Variants in DMC1 observed in about 807,000 individuals in gnomAD.
The protein encoded by DMC1 is DNA meiotic recombinase 1, also known as meiotic recombination protein DMC1 homolog.
Under a neutral mutation model 50.1 loss-of-function variants are expected in DMC1, and 27 were observed. That is an observed-to-expected ratio of 0.54 (90% CI 0.40 to 0.74). DMC1 has a LOEUF of 0.74. DMC1 is among the 30% of genes least tolerant of loss of function. The pLI, the probability that DMC1 is intolerant of heterozygous loss-of-function variation, is 0.00. For synonymous variants in DMC1, 148 were observed against 136.1 expected, an observed-to-expected ratio of 1.09 and a Z score of -0.61; for missense variants, 295 against 420.2, an observed-to-expected ratio of 0.70 and a Z score of 2.60.
intron 12 of DMC1, among the ~76,000 whole-genome samples, chr22:38,534,671 C>G (rs2090190946): frequency 3.3e-5 from 5 of 150,384 alleles, no homozygotes. Context: ...CTGCTGCACT[C>G]CAGCCTGAGT....
chr22:38,548,976 G>A (rs370227645), intron 8 of DMC1, among the ~76,000 whole-genome samples: 8 of 152,166 alleles, frequency 5.3e-5, no homozygotes, highest in Admixed American at 2.6e-4. Flanking sequence ...AAACCTGAGC[G>A]GTTTCTCAAA....
chr22:38,567,509 C>T, intron 3 of DMC1, 74 bp downstream of exon 3: 1 of 1,258,924 alleles, frequency 7.9e-7, no homozygotes, highest in Non-Finnish European at 1.2e-6. Context: ...ATTATCCAGG[C>T]CCAAATGTCC....
chr22:38,543,805 T>G (rs2090313384), intron 8 of DMC1, among the ~76,000 whole-genome samples: 1 of 152,148 alleles, frequency 6.6e-6, no homozygotes, highest in Non-Finnish European at 1.5e-5. Context: ...CTGAGTCACC[T>G]TTAGTCACCT....
intron 12 of DMC1, among the ~76,000 whole-genome samples, chr22:38,527,464 CAA>C (rs1189407491): frequency 6.6e-6 from 1 of 151,798 alleles, no homozygotes; most frequent in Non-Finnish European, 1.5e-5. Context: ...CTCGGCCTCC[CAA>C]AGTGTTGGGA....
chr22:38,531,006 G>A (rs1602722203), intron 12 of DMC1, among the ~76,000 whole-genome samples: 1 of 152,246 alleles, frequency 6.6e-6, no homozygotes, highest in East Asian at 1.9e-4. Context: ...GGAGGCGGAG[G>A]TTGCAGTGAG....
the DMC1 span, among the ~76,000 whole-genome samples, chr22:38,512,609 G>A: frequency 4.6e-5 from 7 of 152,164 alleles, no homozygotes; most frequent in Non-Finnish European, 1.0e-4. Context: ...AGGAAAGCAC[G>A]TGAAGAGTAT....
chr22:38,562,537 T>C (rs1221783864), intron 4 of DMC1, among the ~76,000 whole-genome samples, 168 bp from the exon 5 acceptor site: 1 of 152,214 alleles, frequency 6.6e-6, no homozygotes, highest in African/African-American at 2.4e-5. Flanking sequence ...ACACAGGCTT[T>C]AGAGCTGCCC....
chr22:38,521,909 T>G (rs1203987211), intron 12 of DMC1, among the ~76,000 whole-genome samples, 185 bp from the exon 13 acceptor site: 2 of 151,934 alleles, frequency 1.3e-5, no homozygotes, highest in Non-Finnish European at 2.9e-5. Flanking sequence ...ATACCCCATC[T>G]AGTCTAGGCT....
At chr22:38,538,861 C>T (rs569789943) in intron 9 of DMC1, among the ~76,000 whole-genome samples, 1 of 152,024 alleles carries the variant, frequency 6.6e-6, no homozygotes, top group Admixed American at 6.6e-5. Flanking sequence ...ATGGTGAAAC[C>T]CTGACTCTAC....
At chr22:38,525,281 A>G (rs149500533) in intron 12 of DMC1, among the ~76,000 whole-genome samples, 228 of 152,272 alleles carry the variant, frequency 1.5e-3, no homozygotes, top group African/African-American at 5.0e-3. Context: ...TTGGACACAG[A>G]TTTGTGTCAT....
intron 12 of DMC1, among the ~76,000 whole-genome samples, chr22:38,527,251 C>A (rs1166206211): frequency 6.6e-6 from 1 of 151,976 alleles, no homozygotes; most frequent in Non-Finnish European, 1.5e-5. Flanking sequence ...GCCATCCAGG[C>A]TAGAGTTCAG....
rs777448466 is a variant in DMC1 at position 38,557,022 on chromosome 22, T to C, written c.327-1613A>G. Among the ~76,000 whole-genome samples, 16 of 152,290 alleles carry C rather than the reference T, an allele frequency of 1.1e-4. No homozygotes were observed. In the East Asian group the frequency reaches 1.9e-3, roughly 18 times the overall value. On this transcript the variant is annotated intron_variant, in intron 5 of 13. Coordinates refer to ENST00000216024, the MANE Select transcript of DMC1 (RefSeq NM_007068.4). The stretch of plus-strand genomic sequence containing the variant: ...GGAAATCTTATAGGCCCAGCAACTA[T>C]TTTTTTCTTCAACTTTTATTTTAAA...
chr22:38,521,569 AC>A lies in DMC1; in HGVS notation c.953+38del, dbSNP rs779993604. On this transcript the variant is annotated intron_variant, in intron 13 of 13. Transcript: ENST00000216024. ...CACACACACACACACACACACACAC[AC>A]ACACACACACACACACACAAAATAA... 5.6e-5 allele frequency: 67 copies of A among 1,199,004 alleles called. 1 individual carries two copies. The African/African-American group carries it at 9.2e-4, about 16-fold the overall frequency. 74.3% of individuals were successfully genotyped at this position (1,199,004 alleles called of 1,614,324 possible).
At chr22:38,549,491 GCAC>G in intron 8 of DMC1, 1 of 164,160 alleles carries the variant, frequency 6.1e-6, no homozygotes, top group Non-Finnish European at 1.3e-5. Flanking sequence ...AGGTGTGGTG[GCAC>G]ACACCTGTAA....
chr22:38,538,685 G>C (rs1367722370), intron 9 of DMC1, 73 bp from the exon 10 acceptor site: 9 of 1,291,990 alleles, frequency 7.0e-6, no homozygotes, highest in Middle Eastern at 1.9e-4. Context: ...CATATTCTTG[G>C]GAGCCAGGCA....
In DMC1 at chr22:38,539,352, C is replaced by G; in HGVS notation, c.555G>C (p.Leu185=). Reference sequence around the variant, plus strand: ...ATGCACGTGCATAAAGTACGTTGTCCAGTACTGCATCATGGTCTACATTAA... The same window carrying G: ...ATGCACGTGCATAAAGTACGTTGTCGAGTACTGCATCATGGTCTACATTAA... The part of the protein sequence containing the change: ...DRFNVDHDAV[L]DNVLYARAYT... The change falls in exon 9 of 14, where the codon CTG becomes CTC. Residue 185 remains leucine (L), a synonymous_variant. Coordinates refer to ENST00000216024, the MANE Select transcript of DMC1 (RefSeq NM_007068.4). 6.2e-7 allele frequency: 1 copy of G among 1,614,030 alleles called. No homozygotes were observed. The highest frequency in any genetic ancestry group is 1.3e-5 in the African/African-American group (1 of 75,036).
At position 38,538,566 on chromosome 22, in the gene DMC1, A is replaced by T. The variant is rs957140253; in HGVS notation, c.633T>A (p.His211Gln). ...ELLDYVAAKF[H>Q]EEAGIFKLLI... ...ATAGCTTGAAGATGCCAGCTTCTTC[A>T]TGGAACTTTGCTGCTACATAATCAA... The change falls in exon 10 of 14, where the codon CAT becomes CAA. Residue 211 changes from histidine (H) to glutamine (Q), a missense_variant. His to Gln is a conservative substitution (Grantham distance 24, BLOSUM62 0). Coordinates refer to ENST00000216024, the MANE Select transcript of DMC1 (RefSeq NM_007068.4). 7 of 1,613,948 alleles carry T rather than the reference A, an allele frequency of 4.3e-6. No homozygotes were observed. The highest frequency in any genetic ancestry group is 3.4e-6 in the Non-Finnish European group (4 of 1,179,986).
chr22:38,519,980 CCTAATAAGCA>C lies in DMC1; in HGVS notation c.*30_*39del. On this transcript the variant is annotated 3_prime_UTR_variant, in exon 14 of 14. Coordinates refer to ENST00000216024, the MANE Select transcript of DMC1 (RefSeq NM_007068.4). ...AGACTGCTTTTCCATTTCTTCAGCTCCTAATAAGCACTAAGAAGCAATTTGCATCAATTCA... is the reference window on the plus strand; with the variant it reads ...AGACTGCTTTTCCATTTCTTCAGCTCCTAAGAAGCAATTTGCATCAATTCA... 4 of 1,525,588 alleles carry C rather than the reference CCTAATAAGCA, an allele frequency of 2.6e-6. No individual in the cohort carries two copies. Among genetic ancestry groups the C allele is most frequent in the Non-Finnish European group, 3.6e-6 (4 of 1,099,956 alleles). 94.5% of individuals were successfully genotyped at this position (1,525,588 alleles called of 1,614,324 possible). A position where few individuals can be genotyped will look rare whatever the true frequency, so the allele number is the denominator to read the frequency against.
intron 3 of DMC1, 149 bp from the exon 4 acceptor site, chr22:38,566,885 A>T: frequency 1.3e-6 from 1 of 767,418 alleles, no homozygotes. Context: ...CCATGTAGCC[A>T]AATGTTCTGG....
Sources: gnomAD v4.1 joint callset for allele counts (sites outside exome capture counted in the v4.1 genomes callset) on GRCh38, gnomAD v4.1.1 for gene constraint, MANE v1.5 for transcripts, NCBI Gene and HGNC (gene_info 2026-07-23, HGNC 2026-07-21) for gene names.